Variants in GABRG3 observed in about 807,000 individuals in gnomAD.
The protein encoded by GABRG3 is gamma-aminobutyric acid receptor subunit gamma-3.
GABRG3 carries 25 observed loss-of-function variants against 48.8 expected under a neutral mutation model. That is an observed-to-expected ratio of 0.51 (90% CI 0.37 to 0.72). GABRG3 has a LOEUF of 0.72. Among genes scored for constraint, GABRG3 ranks in the 30% least tolerant of loss-of-function variants. The pLI, the probability that GABRG3 is intolerant of heterozygous loss-of-function variation, is 0.00. For synonymous variants in GABRG3, 227 were observed against 217.6 expected (o/e 1.04, Z -0.38); for missense variants, 394 against 577.9 (o/e 0.68, Z 3.26).
intron 5 of GABRG3, among the ~76,000 whole-genome samples, chr15:27,395,859 T>C (rs546241702): frequency 6.6e-6 from 1 of 152,296 alleles, no homozygotes; most frequent in East Asian, 1.9e-4. Flanking sequence ...AGACAATGGA[T>C]AAATTGGACA....
chr15:27,459,076 T>TC (rs941271605), intron 5 of GABRG3, among the ~76,000 whole-genome samples: 1 of 152,190 alleles, frequency 6.6e-6, no homozygotes, highest in Non-Finnish European at 1.5e-5. Context: ...CAGAAATACT[T>TC]CCCCCGTCAG....
intron 3 of GABRG3, among the ~76,000 whole-genome samples, chr15:27,217,396 G>T (rs1486002320): frequency 6.6e-6 from 1 of 152,164 alleles, no homozygotes; most frequent in Non-Finnish European, 1.5e-5. Context: ...AGAGCTTGAT[G>T]TCTCTTCTGT....
intron 6 of GABRG3, among the ~76,000 whole-genome samples, chr15:27,492,839 A>G (rs542994080): frequency 6.6e-6 from 1 of 152,340 alleles, no homozygotes; most frequent in African/African-American, 2.4e-5. Flanking sequence ...TGTGTCTTCA[A>G]TTCACAAGCT....
rs1169973611 is a variant in GABRG3, at chr15:27,313,240, ATG to A, written c.271-13547_271-13546del. Among the ~76,000 whole-genome samples the A allele has an allele frequency of 8.8e-3, 499 of 56,816 alleles. 10 individuals are homozygous for A. Among genetic ancestry groups the A allele is most frequent in the African/African-American group, 0.012 (173 of 14,956 alleles). 37.3% of individuals were successfully genotyped at this position (56,816 alleles called of 152,430 possible). On this transcript the variant is annotated intron_variant, in intron 3 of 9. Transcript: ENST00000615808. ...TGTATATATATACGTATATGTATATATGTGTGTGTGTGTGTGTGTGTGTATAT... is the reference window on the plus strand; with the variant it reads ...TGTATATATATACGTATATGTATATATGTGTGTGTGTGTGTGTGTGTATAT...
chr15:27,218,638 C>T (rs1889345882), intron 3 of GABRG3, among the ~76,000 whole-genome samples: 1 of 152,138 alleles, frequency 6.6e-6, no homozygotes, highest in African/African-American at 2.4e-5. Context: ...GCCTCCTGTC[C>T]CTGCTGAGGC....
chr15:27,135,284 A>G (rs984409278), intron 3 of GABRG3, among the ~76,000 whole-genome samples: 1 of 152,172 alleles, frequency 6.6e-6, no homozygotes, highest in Non-Finnish European at 1.5e-5. Flanking sequence ...ATCAAGCAGA[A>G]CTCATTAATA....
intron 3 of GABRG3, among the ~76,000 whole-genome samples, chr15:27,249,904 G>T (rs1297080464): frequency 3.9e-5 from 6 of 152,140 alleles, no homozygotes; most frequent in Non-Finnish European, 8.8e-5. Context: ...TGTGGAGGTG[G>T]AGTGGGTTGG....
intron 3 of GABRG3, among the ~76,000 whole-genome samples, chr15:27,298,908 C>A (rs1173127878): frequency 6.6e-6 from 1 of 150,540 alleles, no homozygotes; most frequent in African/African-American, 2.4e-5. Context: ...TGTTTTTTAT[C>A]CAGCAGCAAA....
intron 3 of GABRG3, among the ~76,000 whole-genome samples, chr15:27,171,569 T>C (rs1461102244): frequency 6.7e-6 from 1 of 150,146 alleles, no homozygotes; most frequent in East Asian, 1.9e-4. Flanking sequence ...TATGTATATA[T>C]ATATATAGAG....
intron 5 of GABRG3, among the ~76,000 whole-genome samples, chr15:27,354,967 T>C (rs1894787019): frequency 6.6e-6 from 1 of 152,200 alleles, no homozygotes; most frequent in Non-Finnish European, 1.5e-5. Flanking sequence ...GATATGTGCT[T>C]TCTGGTTCTA....
chr15:27,433,479 A>G (rs994382624), intron 5 of GABRG3, among the ~76,000 whole-genome samples: 3 of 152,176 alleles, frequency 2.0e-5, no homozygotes, highest in African/African-American at 7.2e-5. Flanking sequence ...GCTAATTTTC[A>G]GAGTTCCGAA....
At chr15:27,234,402 C>G (rs890013129) in intron 3 of GABRG3, among the ~76,000 whole-genome samples, 6 of 152,144 alleles carry the variant, frequency 3.9e-5, no homozygotes, top group Non-Finnish European at 8.8e-5. Flanking sequence ...GTCTCTGGGC[C>G]TCCGTCTTCT....
rs79986253 is a variant in GABRG3 at position 27,441,726 on chromosome 15, C to A, written c.575-38924C>A. Among the ~76,000 whole-genome samples, 424 of 152,268 alleles carry A rather than the reference C, an allele frequency of 2.8e-3. 1 individual carries two copies. The highest frequency in any genetic ancestry group is 9.6e-3 in the African/African-American group (397 of 41,560). On this transcript the variant is annotated intron_variant, in intron 5 of 9. Transcript: ENST00000615808. The stretch of plus-strand genomic sequence containing the variant: ...CAGGGCCACCACTGAGACCCTTCCC[C>A]TGTGCTTTCTTCTCTGCGCCTTGAC...
chr15:27,160,643 A>T (rs1486747242), intron 3 of GABRG3, among the ~76,000 whole-genome samples: 2 of 150,114 alleles, frequency 1.3e-5, no homozygotes, highest in Non-Finnish European at 1.5e-5. Context: ...TCCTCCTGTT[A>T]TTTCAATGAA....
chr15:27,125,676 G>C (rs1897807572), intron 3 of GABRG3, among the ~76,000 whole-genome samples: 1 of 152,204 alleles, frequency 6.6e-6, no homozygotes, highest in Non-Finnish European at 1.5e-5. Context: ...TATTAACTTT[G>C]TTCGATATTA....
chr15:27,079,059 C>T (rs1241275637), intron 3 of GABRG3, among the ~76,000 whole-genome samples: 1 of 152,110 alleles, frequency 6.6e-6, no homozygotes, highest in Non-Finnish European at 1.5e-5. Context: ...GGATTGCTGG[C>T]AACACCAGAA....
intron 5 of GABRG3, among the ~76,000 whole-genome samples, chr15:27,414,431 G>T: frequency 6.6e-6 from 1 of 152,114 alleles, no homozygotes; most frequent in East Asian, 1.9e-4. Flanking sequence ...TCCAAGTCTG[G>T]AAGAGGCCCA....
At chr15:27,390,993 C>T (rs1379317977) in intron 5 of GABRG3, among the ~76,000 whole-genome samples, 1 of 151,674 alleles carries the variant, frequency 6.6e-6, no homozygotes, top group African/African-American at 2.4e-5. Flanking sequence ...GAGGCTGAGG[C>T]AGGAGAATTG....
At chr15:27,137,213 G>GAGC (rs1898024719) in intron 3 of GABRG3, among the ~76,000 whole-genome samples, 1 of 152,172 alleles carries the variant, frequency 6.6e-6, no homozygotes, top group African/African-American at 2.4e-5. Context: ...TAGTCTTTGA[G>GAGC]TACTCCTCCA....
Sources: gnomAD v4.1 joint callset for allele counts (sites outside exome capture counted in the v4.1 genomes callset) on GRCh38, gnomAD v4.1.1 for gene constraint, MANE v1.5 for transcripts, NCBI Gene and HGNC (gene_info 2026-07-23, HGNC 2026-07-21) for gene names.